Variants in OR2A25 observed in about 807,000 individuals in gnomAD.
The protein encoded by OR2A25 is olfactory receptor 2A25.
For synonymous variants in OR2A25, 162 were observed against 148.1 expected, an observed-to-expected ratio of 1.09 and a Z score of -0.68; for missense variants, 362 against 368.3, an observed-to-expected ratio of 0.98 and a Z score of 0.14.
At chr7:144,072,546 T>A (rs938587617) in intron 1 of OR2A25, among the ~76,000 whole-genome samples, 3 of 152,094 alleles carry the variant, frequency 2.0e-5, no homozygotes, top group African/African-American at 4.8e-5. Flanking sequence ...CAGCCAGCAC[T>A]TTTACTAATG....
intron 1 of OR2A25, among the ~76,000 whole-genome samples, chr7:144,072,292 G>C (rs2051072672): frequency 6.6e-6 from 1 of 151,934 alleles, no homozygotes; most frequent in Non-Finnish European, 1.5e-5. Flanking sequence ...AAATTACAAT[G>C]ATTCAAACCT....
At position 144,074,221 on chromosome 7, in the gene OR2A25, TG is replaced by T; in HGVS notation, c.8del (p.Gly3?). MGGNQTSITEF... is the reference protein window; with the variant it reads XGGNQTSITEF... ...GCTCCTTGTTTCTTCTACAGGGAAA[TG>T]GGGGGAAATCAGACTTCCATCACAG... On this transcript the variant is annotated frameshift_variant and start_lost, in exon 2 of 2. Coordinates refer to ENST00000641663, the MANE Select transcript of OR2A25 (RefSeq NM_001386096.1). LOFTEE classifies it low-confidence loss of function (END_TRUNC). 6.2e-7 allele frequency: 1 copy of T among 1,612,802 alleles called. No homozygotes were observed. The highest frequency in any genetic ancestry group is 2.2e-5 in the East Asian group (1 of 44,868).
rs762614487 is a variant in OR2A25 at position 144,075,168 on chromosome 7, G to A, written c.*16G>A. 1.8e-5 allele frequency: 29 copies of A among 1,574,140 alleles called. No homozygotes were observed. The highest frequency in any genetic ancestry group is 2.5e-5 in the Non-Finnish European group (29 of 1,153,760). ...AACTTCATGAAAGCCTGAAAGAATA[G>A]TAAAATAGCTGGCTTCAAAGGGCTT... On this transcript the variant is annotated 3_prime_UTR_variant, in exon 2 of 2. Coordinates refer to ENST00000641663, the MANE Select transcript of OR2A25 (RefSeq NM_001386096.1).
rs2051107639 is a variant in OR2A25, at chr7:144,075,629, AC to A, written c.*479del. The A allele has an allele frequency of 6.5e-6, 1 of 152,876 alleles. No homozygotes were observed. Among genetic ancestry groups the A allele is most frequent in the Non-Finnish European group, 1.5e-5 (1 of 68,654 alleles). 9.5% of individuals were successfully genotyped at this position (152,876 alleles called of 1,614,324 possible). A position where few individuals can be genotyped will look rare whatever the true frequency, so the allele number is the denominator to read the frequency against. On this transcript the variant is annotated 3_prime_UTR_variant, in exon 2 of 2. Coordinates refer to ENST00000641663, the MANE Select transcript of OR2A25 (RefSeq NM_001386096.1). The stretch of plus-strand genomic sequence containing the variant: ...TGGATCACGCGGTCAGGAGACCGAG[AC>A]CATCTTGGCTAACACGGTGAAACCC...
At chr7:144,071,356 T>C (rs747982099) in intron 1 of OR2A25, among the ~76,000 whole-genome samples, 7 of 152,278 alleles carry the variant, frequency 4.6e-5, no homozygotes, top group Middle Eastern at 6.8e-3. Flanking sequence ...TAGATCTCAT[T>C]CTTTCTTTAT....
chr7:144,074,232 C>G lies in OR2A25; in HGVS notation c.13C>G (p.Gln5Glu). 2 of 1,613,440 alleles carry G rather than the reference C, an allele frequency of 1.2e-6. No homozygotes were observed. Among genetic ancestry groups the G allele is most frequent in the Middle Eastern group, 1.7e-4 (1 of 6,048 alleles). MGGNQTSITEFLLLG... is the reference protein window; with the variant it reads MGGNETSITEFLLLG... ...CTTCTACAGGGAAATGGGGGGAAAT[C>G]AGACTTCCATCACAGAGTTCCTCCT... The change falls in exon 2 of 2, where the codon CAG (glutamine) becomes GAG (glutamate). Residue 5 changes from glutamine to glutamate, a missense_variant. By Grantham distance (29) the Gln-to-Glu change is conservative. Transcript: ENST00000641663.
chr7:144,074,565 G>A lies in OR2A25; in HGVS notation c.346G>A (p.Val116Met). ...FAHTECLLLV[V>M]MSYDRYVAIC... ...ACATACAGAATGTCTCCTCCTGGTG[G>A]TGATGTCCTATGATCGGTACGTGGC... The change falls in exon 2 of 2, where the codon GTG (valine) becomes ATG (methionine). Residue 116 changes from valine (V) to methionine (M), a missense_variant. Physicochemically the swap from Val to Met is conservative, Grantham distance 21 (BLOSUM62 1). Transcript: ENST00000641663. 6.2e-7 allele frequency: 1 copy of A among 1,614,196 alleles called. No individual in the cohort carries two copies. The highest frequency in any genetic ancestry group is 2.2e-5 in the East Asian group (1 of 44,874).
At chr7:144,073,125 G>A (rs904309875) in intron 1 of OR2A25, among the ~76,000 whole-genome samples, 1 of 152,038 alleles carries the variant, frequency 6.6e-6, no homozygotes, top group African/African-American at 2.4e-5. Flanking sequence ...GTTGACTAAT[G>A]AGTACAAACA....
In OR2A25 at chr7:144,072,959, T is replaced by A. The variant is rs1054717403; in HGVS notation, c.-4-1257T>A. 4.6e-5 allele frequency among the ~76,000 whole-genome samples: 7 copies of A among 151,878 alleles called. No individual in the cohort carries two copies. The South Asian group carries it at 8.3e-4, about 18-fold the overall frequency. ...TCAGCAACATGGATGGAACTGGAGG[T>A]CATTACATTAAATGAAACAAGCTAA... On this transcript the variant is annotated intron_variant, in intron 1 of 1. Coordinates refer to ENST00000641663, the MANE Select transcript of OR2A25 (RefSeq NM_001386096.1).
intron 1 of OR2A25, among the ~76,000 whole-genome samples, chr7:144,071,390 A>G (rs577360986): frequency 2.0e-5 from 3 of 152,254 alleles, no homozygotes; most frequent in Admixed American, 6.5e-5. Context: ...TCCACTGTGT[A>G]TATGTACCAC....
chr7:144,071,376 C>A (rs1435311312), intron 1 of OR2A25, among the ~76,000 whole-genome samples: 2 of 152,046 alleles, frequency 1.3e-5, no homozygotes. Flanking sequence ...TGGCTGAATA[C>A]TGCTCCACTG....
Position 144,075,751 on chromosome 7 carries a change from C to A in OR2A25, c.*599C>A, listed in dbSNP as rs957947044. ...GGCTGAGGCAGGAGAATGGCGCGAA[C>A]CCTGGAGAGGCGGAGCTTGCAGTGA... is the stretch of plus-strand genomic sequence containing the variant. On this transcript the variant is annotated 3_prime_UTR_variant, in exon 2 of 2. Transcript: ENST00000641663. 6.6e-6 allele frequency: 1 copy of A among 151,992 alleles called. No homozygotes were observed. The highest frequency in any genetic ancestry group is 1.5e-5 in the Non-Finnish European group (1 of 68,138). The allele number at this position is 151,992 out of a possible 1,614,324, so 9.4% of individuals were successfully genotyped here.
At position 144,075,543 on chromosome 7, in the gene OR2A25, G is replaced by C. The variant is rs2051106672; in HGVS notation, c.*391G>C. 6.3e-6 allele frequency: 1 copy of C among 157,626 alleles called. No homozygotes were observed. Among genetic ancestry groups the C allele is most frequent in the African/African-American group, 2.4e-5 (1 of 41,430 alleles). The allele number at this position is 157,626 out of a possible 1,614,324, so 9.8% of individuals were successfully genotyped here. A position where few individuals can be genotyped will look rare whatever the true frequency, so the allele number is the denominator to read the frequency against. ...TATTTAATTATTCTTAATTTAGAAC[G>C]TGCCGGCCAGACACGGTGGCTCACG... On this transcript the variant is annotated 3_prime_UTR_variant, in exon 2 of 2. Transcript: ENST00000641663.
chr7:144,072,748 T>A (rs1212679743), intron 1 of OR2A25, among the ~76,000 whole-genome samples: 1 of 151,944 alleles, frequency 6.6e-6, no homozygotes, highest in African/African-American at 2.4e-5. Flanking sequence ...TGGGTATATA[T>A]CCAAAAGAAA....
rs1420571034 is a variant in OR2A25 at position 144,074,915 on chromosome 7, G to T, written c.696G>T (p.Gly232=). 1 of 1,614,052 alleles carries T rather than the reference G, an allele frequency of 6.2e-7. No individual in the cohort carries two copies. The change falls in exon 2 of 2, where the codon GGG becomes GGT. Residue 232 remains glycine (G), a synonymous_variant. Transcript: ENST00000641663. Reference sequence around the variant, plus strand: ...TTCTAAAGATCCAGTCAGGAGAGGGGTGCCAGAAAGCCTTCTCCATCTGCT... The same window carrying T: ...TTCTAAAGATCCAGTCAGGAGAGGGTTGCCAGAAAGCCTTCTCCATCTGCT... The part of the protein sequence containing the change: ...CAILKIQSGE[G]CQKAFSICSS...
intron 1 of OR2A25, among the ~76,000 whole-genome samples, chr7:144,071,604 C>A (rs2051067639): frequency 6.6e-6 from 1 of 152,046 alleles, no homozygotes; most frequent in Non-Finnish European, 1.5e-5. Flanking sequence ...CATGTGCCTA[C>A]AAACAAGTAC....
chr7:144,074,712 C>T lies in OR2A25; in HGVS notation c.493C>T (p.Leu165=), dbSNP rs1276689715. ...TGTCCATCTAGTGTTACTGCTACCACTGTCCTTCTGTGGACCCCAGAAACT... is the reference window on the plus strand; with the variant it reads ...TGTCCATCTAGTGTTACTGCTACCATTGTCCTTCTGTGGACCCCAGAAACT... ...ALVHLVLLLP[L]SFCGPQKLNH... The change falls in exon 2 of 2, where the codon CTG becomes TTG. Residue 165 remains leucine (L), a synonymous_variant. Transcript: ENST00000641663. 2.5e-6 allele frequency: 4 copies of T among 1,614,118 alleles called. No individual in the cohort carries two copies. In the African/African-American group the frequency reaches 5.3e-5, roughly 22 times the overall value.
At chr7:144,072,031 T>A (rs1277809642) in intron 1 of OR2A25, among the ~76,000 whole-genome samples, 1 of 152,116 alleles carries the variant, frequency 6.6e-6, no homozygotes, top group Non-Finnish European at 1.5e-5. Flanking sequence ...GCAATTTCAA[T>A]AATGATCAGA....
chr7:144,070,568 T>G (rs1391688473), intron 1 of OR2A25, among the ~76,000 whole-genome samples: 2 of 152,046 alleles, frequency 1.3e-5, no homozygotes, highest in African/African-American at 4.8e-5. Context: ...TGTAGATAAT[T>G]TATTTTGATG....
Sources: gnomAD v4.1 joint callset for allele counts (sites outside exome capture counted in the v4.1 genomes callset) on GRCh38, gnomAD v4.1.1 for gene constraint, MANE v1.5 for transcripts, NCBI Gene and HGNC (gene_info 2026-07-23, HGNC 2026-07-21) for gene names.